KCNIP4: variants seen among roughly 807,000 people sequenced by gnomAD.
The protein encoded by KCNIP4 is potassium voltage-gated channel interacting protein 4.
Under a neutral mutation model 34.0 loss-of-function variants are expected in KCNIP4, and 12 were observed. The observed-to-expected ratio is 0.35, with a 90% CI of 0.23 to 0.57. KCNIP4 has a LOEUF of 0.57. Among genes scored for constraint, KCNIP4 ranks in the 20% least tolerant of loss-of-function variants. The pLI, the probability that KCNIP4 is intolerant of heterozygous loss-of-function variation, is 0.83. For synonymous variants in KCNIP4, 124 were observed against 102.2 expected (o/e 1.21, Z -1.29); for missense variants, 238 against 311.7 (o/e 0.76, Z 1.78).
At chr4:21,555,096 A>T (rs1038140259) in intron 1 of KCNIP4, among the ~76,000 whole-genome samples, 1 of 152,178 alleles carries the variant, frequency 6.6e-6, no homozygotes, top group Non-Finnish European at 1.5e-5. Flanking sequence ...GTACACAGTT[A>T]TTAGCCTGTT....
At chr4:21,110,282 G>A (rs1749038602) in intron 1 of KCNIP4, among the ~76,000 whole-genome samples, 3 of 152,148 alleles carry the variant, frequency 2.0e-5, no homozygotes, top group African/African-American at 4.8e-5. Flanking sequence ...TGATCATGTA[G>A]GTGGGTTTAC....
At chr4:21,449,266 A>T (rs1309637531) in intron 1 of KCNIP4, among the ~76,000 whole-genome samples, 1 of 152,212 alleles carries the variant, frequency 6.6e-6, no homozygotes, top group Non-Finnish European at 1.5e-5. Flanking sequence ...TTAAAATAGG[A>T]ATGCCTATAA....
intron 1 of KCNIP4, among the ~76,000 whole-genome samples, chr4:21,559,362 C>T (rs568391372): frequency 1.3e-5 from 2 of 152,054 alleles, no homozygotes; most frequent in South Asian, 2.1e-4. Context: ...TTTATTCATT[C>T]GATGATATAT....
intron 1 of KCNIP4, among the ~76,000 whole-genome samples, chr4:21,628,661 T>C (rs1420346581): frequency 3.3e-5 from 5 of 152,202 alleles, no homozygotes; most frequent in Admixed American, 2.0e-4. Context: ...ATATTTATCT[T>C]TTTTACTATT....
chr4:20,961,606 C>T (rs1188631958), intron 1 of KCNIP4, among the ~76,000 whole-genome samples: 1 of 152,084 alleles, frequency 6.6e-6, no homozygotes, highest in East Asian at 1.9e-4. Context: ...TTTAAATTGC[C>T]TTGTGATCAA....
At chr4:21,258,768 C>T (rs1382312460) in intron 1 of KCNIP4, among the ~76,000 whole-genome samples, 5 of 152,052 alleles carry the variant, frequency 3.3e-5, no homozygotes, top group African/African-American at 7.2e-5. Context: ...CTTCCCTACC[C>T]CTACTGGAAT....
At chr4:21,101,510 G>T (rs990955892) in intron 1 of KCNIP4, among the ~76,000 whole-genome samples, 1 of 152,138 alleles carries the variant, frequency 6.6e-6, no homozygotes. Flanking sequence ...AAGAGTGCAA[G>T]TATATATTCT....
In KCNIP4 at chr4:21,899,852, T is replaced by C. The variant is rs148175142; in HGVS notation, c.61+48719A>G. 5.0e-3 allele frequency among the ~76,000 whole-genome samples: 759 copies of C among 152,246 alleles called. 8 individuals carry two copies. Among genetic ancestry groups the C allele is most frequent in the African/African-American group, 0.017 (720 of 41,562 alleles). On this transcript the variant is annotated intron_variant, in intron 1 of 8. Transcript: ENST00000382152. Reference sequence around the variant, plus strand: ...ATTGGAAGAATCACTATTGTTAAAATGTCTATACTACATAAGCAATCTACA... The same window carrying C: ...ATTGGAAGAATCACTATTGTTAAAACGTCTATACTACATAAGCAATCTACA...
intron 1 of KCNIP4, among the ~76,000 whole-genome samples, chr4:21,897,934 G>C (rs1214915781): frequency 6.6e-6 from 1 of 152,200 alleles, no homozygotes; most frequent in Non-Finnish European, 1.5e-5. Context: ...ACGTGGTGTA[G>C]AGGGAGAATC....
intron 3 of KCNIP4, among the ~76,000 whole-genome samples, chr4:20,761,781 A>T (rs1347431564): frequency 6.6e-6 from 1 of 152,222 alleles, no homozygotes; most frequent in African/African-American, 2.4e-5. Flanking sequence ...GTTTAATCAC[A>T]TATCTGTGTC....
chr4:20,912,515 CCAAA>C lies in KCNIP4; in HGVS notation c.62-29810_62-29807del, dbSNP rs139564886. Among the ~76,000 whole-genome samples, 872 of 152,098 alleles carry C rather than the reference CCAAA, an allele frequency of 5.7e-3. 10 individuals are homozygous for C. Among genetic ancestry groups the C allele is most frequent in the Middle Eastern group, 0.024 (7 of 294 alleles). ...AACTAAAGCGTAAGTAAGCAAGCAA[CCAAA>C]CAAACAAATAAATTGAACATCGAAA... is the stretch of plus-strand genomic sequence containing the variant. On this transcript the variant is annotated intron_variant, in intron 1 of 8. Coordinates refer to ENST00000382152, the MANE Select transcript of KCNIP4 (RefSeq NM_025221.6).
At chr4:21,319,589 A>C (rs1159845935) in intron 1 of KCNIP4, among the ~76,000 whole-genome samples, 1 of 152,200 alleles carries the variant, frequency 6.6e-6, no homozygotes, top group African/African-American at 2.4e-5. Context: ...TGAATCACCT[A>C]GTAGCCTGAT....
At chr4:20,851,648 C>T (rs1295223134) in intron 2 of KCNIP4, among the ~76,000 whole-genome samples, 1 of 152,174 alleles carries the variant, frequency 6.6e-6, no homozygotes, top group Non-Finnish European at 1.5e-5. Context: ...ACACTCCCAC[C>T]AACAGTGTAA....
At chr4:21,567,900 T>G (rs1237915008) in intron 1 of KCNIP4, among the ~76,000 whole-genome samples, 13 of 152,098 alleles carry the variant, frequency 8.5e-5, no homozygotes, top group Admixed American at 8.5e-4. Flanking sequence ...CAGAAACACA[T>G]GATTCCTAGT....
At chr4:21,000,124 A>G (rs7667632) in intron 1 of KCNIP4, among the ~76,000 whole-genome samples, 1,566 of 152,256 alleles carry the variant, frequency 0.01, 32 homozygotes, top group African/African-American at 0.036. Context: ...GTAGGCATAT[A>G]CCATCGATTC....
intron 1 of KCNIP4, among the ~76,000 whole-genome samples, chr4:21,923,369 G>A (rs1052832798): frequency 6.6e-6 from 1 of 152,136 alleles, no homozygotes; most frequent in Non-Finnish European, 1.5e-5. Flanking sequence ...ATCATCTGAG[G>A]TCAGGAGTTC....
chr4:21,140,806 TTGGAA>T (rs1751893879), intron 1 of KCNIP4, among the ~76,000 whole-genome samples: 15 of 152,140 alleles, frequency 9.9e-5, no homozygotes, highest in Admixed American at 9.8e-4. Context: ...GTTGCCAAGG[TTGGAA>T]AGTCCCTGTC....
chr4:21,469,520 T>A (rs1432068746), intron 1 of KCNIP4, among the ~76,000 whole-genome samples: 1 of 152,204 alleles, frequency 6.6e-6, no homozygotes, highest in African/African-American at 2.4e-5. Flanking sequence ...ATTACAAGCA[T>A]CTTTTAAAAT....
chr4:21,715,629 AC>A (rs1245909950), intron 1 of KCNIP4, among the ~76,000 whole-genome samples: 5 of 152,210 alleles, frequency 3.3e-5, no homozygotes, highest in Non-Finnish European at 7.4e-5. Flanking sequence ...TATTTTCAAC[AC>A]AGTTTAACAA....
Sources: gnomAD v4.1 joint callset for allele counts (sites outside exome capture counted in the v4.1 genomes callset) on GRCh38, gnomAD v4.1.1 for gene constraint, MANE v1.5 for transcripts, NCBI Gene and HGNC (gene_info 2026-07-23, HGNC 2026-07-21) for gene names.